Variants in PRELID2 observed in about 807,000 individuals in gnomAD.
The protein encoded by PRELID2 is PRELI domain containing 2, also known as PRELI domain-containing protein 2.
A neutral mutation model predicts 28.4 loss-of-function variants in PRELID2; 25 were observed. The ratio of observed to expected loss-of-function variants is 0.88; its 90% CI spans 0.64 to 1.23. The LOEUF (loss-of-function observed/expected upper bound fraction) is 1.23, where lower values mean the gene tolerates loss of function less well. Ranked by LOEUF, PRELID2 falls within the 50% of genes most tolerant of loss-of-function variation. The probability of loss-of-function intolerance (pLI) is 0.00; values close to 1 mark genes in which losing one functional copy is unlikely to be tolerated. For synonymous variants in PRELID2, 76 were observed against 71.6 expected, an observed-to-expected ratio of 1.06 and a Z score of -0.31; for missense variants, 201 against 214.4, an observed-to-expected ratio of 0.94 and a Z score of 0.39.
At chr5:145,415,894 C>T in the PRELID2 span, among the ~76,000 whole-genome samples, 6 of 152,108 alleles carry the variant, frequency 3.9e-5, no homozygotes, top group East Asian at 9.7e-4. Context: ...TACGGTCCCA[C>T]CAACAGTGTA....
chr5:145,337,666 G>GGAAATA, the PRELID2 span, among the ~76,000 whole-genome samples: 30 of 125,058 alleles, frequency 2.4e-4, no homozygotes, highest in Non-Finnish European at 4.3e-4. Context: ...AACAGCCACA[G>GGAAATA]GAAATAGATG....
intron 1 of PRELID2, among the ~76,000 whole-genome samples, chr5:145,705,357 A>C (rs1755517595): frequency 6.7e-6 from 1 of 149,890 alleles, no homozygotes; most frequent in Admixed American, 6.6e-5. Context: ...TGCCCAGCTA[A>C]TTTTTGTGGG....
the PRELID2 span, among the ~76,000 whole-genome samples, chr5:145,406,598 G>A: frequency 2.0e-5 from 3 of 152,180 alleles, no homozygotes; most frequent in African/African-American, 7.2e-5. Flanking sequence ...GCTCCCACTT[G>A]GACAGACAGA....
the PRELID2 span, among the ~76,000 whole-genome samples, chr5:145,286,065 T>C: frequency 6.6e-6 from 1 of 152,184 alleles, no homozygotes; most frequent in Non-Finnish European, 1.5e-5. Flanking sequence ...GGTACCTCTA[T>C]AATAATTATA....
chr5:145,421,603 G>A, the PRELID2 span, among the ~76,000 whole-genome samples: 46 of 136,052 alleles, frequency 3.4e-4, no homozygotes, highest in East Asian at 3.5e-3. Context: ...TTTTTATTGC[G>A]TCTATTTGAT....
At chr5:145,249,875 T>A in the PRELID2 span, among the ~76,000 whole-genome samples, 1 of 151,100 alleles carries the variant, frequency 6.6e-6, no homozygotes, top group African/African-American at 2.4e-5. Context: ...AATAGGGGAG[T>A]GGGAGGGTTC....
the PRELID2 span, among the ~76,000 whole-genome samples, chr5:145,355,414 T>C: frequency 1.3e-5 from 2 of 152,162 alleles, no homozygotes; most frequent in Non-Finnish European, 2.9e-5. Context: ...TATGTATGTG[T>C]AGAGATTGAG....
At chr5:145,824,463 T>TGTGTGTGA (rs373555427) in intron 1 of PRELID2, among the ~76,000 whole-genome samples, 8,882 of 143,480 alleles carry the variant, frequency 0.062, 424 homozygotes, top group South Asian at 0.093. Flanking sequence ...TGTGTGTGTG[T>TGTGTGTGA]GATATTGATT....
At chr5:145,425,602 G>T in the PRELID2 span, among the ~76,000 whole-genome samples, 2 of 152,172 alleles carry the variant, frequency 1.3e-5, no homozygotes, top group African/African-American at 4.8e-5. Context: ...TACGTCCTTT[G>T]TTGGGATGTG....
At chr5:145,831,872 A>G (rs1225821430) in intron 1 of PRELID2, among the ~76,000 whole-genome samples, 1 of 152,220 alleles carries the variant, frequency 6.6e-6, no homozygotes, top group African/African-American at 2.4e-5. Flanking sequence ...AAGAATTACA[A>G]CAGGTTCTAA....
At chr5:145,598,577 T>A (rs1753344308) in intron 1 of PRELID2, among the ~76,000 whole-genome samples, 1 of 152,200 alleles carries the variant, frequency 6.6e-6, no homozygotes, top group South Asian at 2.1e-4. Flanking sequence ...TGGTATGAAT[T>A]TGGATTCAAT....
intron 1 of PRELID2, among the ~76,000 whole-genome samples, chr5:145,713,350 T>TTATATATACATATATATATATATA (rs1755747290): frequency 1.6e-5 from 2 of 124,714 alleles, no homozygotes; most frequent in Non-Finnish European, 3.4e-5. Flanking sequence ...ATATCTGACT[T>TTATATATACATATATATATATATA]TATATATATA....
chr5:145,264,969 TAAAA>T, the PRELID2 span, among the ~76,000 whole-genome samples: 25 of 56,880 alleles, frequency 4.4e-4, no homozygotes, highest in African/African-American at 1.1e-3. Context: ...AGTGCAACTC[TAAAA>T]AAAAAAAAAA....
the PRELID2 span, among the ~76,000 whole-genome samples, chr5:145,320,535 G>T: frequency 6.6e-6 from 1 of 152,100 alleles, no homozygotes; most frequent in Non-Finnish European, 1.5e-5. Context: ...AATGACCCAG[G>T]AGTTAGGTTA....
At chr5:145,509,516 T>A (rs1752442711) in intron 1 of PRELID2, among the ~76,000 whole-genome samples, 1 of 152,208 alleles carries the variant, frequency 6.6e-6, no homozygotes, top group Non-Finnish European at 1.5e-5. Context: ...CCAGGCTGCC[T>A]GGGCCAAGAC....
At chr5:145,424,588 C>A in the PRELID2 span, among the ~76,000 whole-genome samples, 1 of 152,176 alleles carries the variant, frequency 6.6e-6, no homozygotes, top group Non-Finnish European at 1.5e-5. Flanking sequence ...CCTCACCCTG[C>A]TTCGGCTCGC....
the PRELID2 span, among the ~76,000 whole-genome samples, chr5:145,407,887 C>G: frequency 1.1e-3 from 161 of 152,312 alleles, no homozygotes; most frequent in African/African-American, 3.5e-3. Context: ...AGGACTCCCA[C>G]AGAGTACACT....
the PRELID2 span, among the ~76,000 whole-genome samples, chr5:145,284,515 T>G: frequency 3.3e-5 from 5 of 152,236 alleles, no homozygotes; most frequent in East Asian, 9.6e-4. Flanking sequence ...TTTTTTTCTA[T>G]TATTTTATTT....
chr5:145,286,946 G>C, the PRELID2 span, among the ~76,000 whole-genome samples: 2 of 152,154 alleles, frequency 1.3e-5, no homozygotes, highest in Admixed American at 1.3e-4. Flanking sequence ...CTGACCTCAG[G>C]TGATCTGCCC....
Sources: allele counts gnomAD v4.1 joint callset (sites outside exome capture counted in the v4.1 genomes callset), GRCh38; gene constraint gnomAD v4.1.1; transcripts MANE v1.5; gene names NCBI Gene and HGNC (gene_info 2026-07-23, HGNC 2026-07-21).